The following PRMT8 variants were observed in gnomAD, a reference collection of about 807,000 sequenced individuals.
PRMT8 encodes protein arginine N-methyltransferase 8.
Under a neutral mutation model 47.1 loss-of-function variants are expected in PRMT8, and 7 were observed. The observed-to-expected ratio is 0.15, with a 90% CI of 0.08 to 0.28. The LOEUF is 0.28. Among genes scored for constraint, PRMT8 ranks in the 10% least tolerant of loss-of-function variants. The pLI is 1.00. For synonymous variants in PRMT8, 188 were observed against 186.5 expected, an observed-to-expected ratio of 1.01 and a Z score of -0.07; for missense variants, 237 against 505.4, an observed-to-expected ratio of 0.47 and a Z score of 5.09.
intron 1 of PRMT8, among the ~76,000 whole-genome samples, chr12:3,513,345 T>C (rs1486120036): frequency 1.3e-5 from 2 of 152,194 alleles, no homozygotes; most frequent in Non-Finnish European, 2.9e-5. Flanking sequence ...AAACTAAATA[T>C]ACGATGTACC....
intron 1 of PRMT8, among the ~76,000 whole-genome samples, chr12:3,433,757 GC>G: frequency 6.6e-6 from 1 of 152,162 alleles, no homozygotes; most frequent in East Asian, 1.9e-4. Flanking sequence ...GGCTACAGGT[GC>G]ATGCCGCCAT....
At chr12:3,555,433 C>G (rs950409456) in intron 4 of PRMT8, among the ~76,000 whole-genome samples, 1 of 152,210 alleles carries the variant, frequency 6.6e-6, no homozygotes, top group East Asian at 1.9e-4. Flanking sequence ...ATGGACTGAG[C>G]TTGGCATGCC....
intron 1 of PRMT8, among the ~76,000 whole-genome samples, chr12:3,471,496 G>GTT (rs1299704258): frequency 6.6e-6 from 1 of 151,822 alleles, no homozygotes; most frequent in African/African-American, 2.4e-5. Context: ...CAGGACTCTG[G>GTT]GTCTTCAGGG....
chr12:3,473,045 C>T lies in PRMT8; in HGVS notation c.49-67561C>T, dbSNP rs943377107. On this transcript the variant is annotated intron_variant, in intron 1 of 9. Transcript: ENST00000452611. ...CACTGGCATTCAAACATGCCCCAGG[C>T]GCTTTCAATGGAATTATAACAAGAC... Among the ~76,000 whole-genome samples the T allele has an allele frequency of 3.3e-5, 5 of 152,156 alleles. No individual in the cohort carries two copies. The East Asian group carries it at 7.7e-4, about 23-fold the overall frequency.
intron 1 of PRMT8, among the ~76,000 whole-genome samples, chr12:3,458,716 A>G (rs1484556987): frequency 6.6e-6 from 1 of 152,008 alleles, no homozygotes; most frequent in Non-Finnish European, 1.5e-5. Flanking sequence ...CAAATAATAA[A>G]CTCAATGTCT....
At chr12:3,418,627 G>A (rs914273012) in intron 1 of PRMT8, among the ~76,000 whole-genome samples, 2 of 152,292 alleles carry the variant, frequency 1.3e-5, no homozygotes, top group Middle Eastern at 3.4e-3. Flanking sequence ...GTGTGGAGGC[G>A]GGGATTACTC....
intron 8 of PRMT8, among the ~76,000 whole-genome samples, chr12:3,587,332 TAATA>T (rs888058198): frequency 6.6e-6 from 1 of 150,844 alleles, no homozygotes; most frequent in African/African-American, 2.4e-5. Flanking sequence ...TAATAAATAC[TAATA>T]AATTTATTAG....
chr12:3,585,106 T>C lies in PRMT8; in HGVS notation c.979+1898T>C, dbSNP rs182893426. ...ATGAGTAGGGATCATATCTCAGTGA[T>C]CTCTGCATTCCTGTCTTCTAAAGCA... On this transcript the variant is annotated intron_variant, in intron 8 of 9. Transcript: ENST00000382622. Among the ~76,000 whole-genome samples, 6 of 152,314 alleles carry C rather than the reference T, an allele frequency of 3.9e-5. No homozygotes were observed. The East Asian group carries it at 1.2e-3, about 29-fold the overall frequency.
chr12:3,567,380 C>G (rs1047858918), intron 4 of PRMT8, among the ~76,000 whole-genome samples: 4 of 152,228 alleles, frequency 2.6e-5, no homozygotes, highest in Non-Finnish European at 2.9e-5. Flanking sequence ...AGCCCATGCT[C>G]TCATCAAAAT....
intron 6 of PRMT8, among the ~76,000 whole-genome samples, chr12:3,575,233 C>G (rs954320082): frequency 6.6e-6 from 1 of 152,214 alleles, no homozygotes; most frequent in East Asian, 1.9e-4. Context: ...GAAAAGCTGT[C>G]GCTGACCGTT....
rs1865671659 is a variant in PRMT8, at chr12:3,508,967, C to T, written c.75+17267C>T. Among the ~76,000 whole-genome samples, 1 of 152,218 alleles carries T rather than the reference C, an allele frequency of 6.6e-6. No homozygotes were observed. On this transcript the variant is annotated intron_variant, in intron 1 of 9. Coordinates refer to ENST00000382622, the MANE Select transcript of PRMT8 (RefSeq NM_019854.5). This position sits in a 1 kb window ranked among gnomAD's most constrained non-coding sequence, Gnocchi z 4.9. ...ATTCTACATCTGAAATGTTTCTCCT[C>T]TTTGTCCTGAATCTGTCCTCCCCAT... is the stretch of plus-strand genomic sequence containing the variant.
At chr12:3,540,211 C>T (rs1161618765) in intron 1 of PRMT8, among the ~76,000 whole-genome samples, 8 of 152,186 alleles carry the variant, frequency 5.3e-5, no homozygotes, top group African/African-American at 1.7e-4. Context: ...TGGGATTCAG[C>T]TCCGGAATCT....
intron 1 of PRMT8, among the ~76,000 whole-genome samples, chr12:3,404,229 A>C (rs891713998): frequency 4.6e-5 from 7 of 152,154 alleles, no homozygotes; most frequent in African/African-American, 9.7e-5. Context: ...TACTACACGT[A>C]TGTATTTCCA....
chr12:3,469,488 G>C (rs184834903), intron 1 of PRMT8, among the ~76,000 whole-genome samples: 35 of 152,284 alleles, frequency 2.3e-4, no homozygotes, highest in Admixed American at 1.2e-3. Context: ...CATGGCCCAG[G>C]ATTCCATTTC....
intron 7 of PRMT8, among the ~76,000 whole-genome samples, chr12:3,577,322 C>T (rs1866964959): frequency 6.6e-6 from 1 of 152,216 alleles, no homozygotes; most frequent in Non-Finnish European, 1.5e-5. Flanking sequence ...GCAGTTGGTC[C>T]ATTCAGAGGT....
chr12:3,392,243 G>T (rs1009311512), intron 1 of PRMT8, among the ~76,000 whole-genome samples: 12 of 151,074 alleles, frequency 7.9e-5, no homozygotes, highest in Non-Finnish European at 1.5e-4. Flanking sequence ...TAAGTTTTAG[G>T]GTATATGTGC....
At chr12:3,464,463 G>A (rs888179060) in intron 1 of PRMT8, among the ~76,000 whole-genome samples, 3 of 152,080 alleles carry the variant, frequency 2.0e-5, no homozygotes, top group Non-Finnish European at 2.9e-5. Context: ...GACATTACTC[G>A]TTCTCTCCTC....
intron 1 of PRMT8, among the ~76,000 whole-genome samples, chr12:3,523,869 T>C (rs1865916333): frequency 6.6e-6 from 1 of 152,266 alleles, no homozygotes. Context: ...CCACTCCTTC[T>C]GCCTCTCTAT....
chr12:3,464,773 C>A (rs370035869), intron 1 of PRMT8, among the ~76,000 whole-genome samples: 1 of 152,252 alleles, frequency 6.6e-6, no homozygotes, highest in South Asian at 2.1e-4. Context: ...CCAATCAGAA[C>A]TAAGCAAGTT....
Sources: allele counts gnomAD v4.1 joint callset (sites outside exome capture counted in the v4.1 genomes callset), GRCh38; gene constraint gnomAD v4.1.1; non-coding constraint Gnocchi (gnomAD v3.1); transcripts MANE v1.5; gene names NCBI Gene and HGNC (gene_info 2026-07-23, HGNC 2026-07-21).